The following PZP variants were observed in gnomAD, a reference collection of about 807,000 sequenced individuals.
The protein encoded by PZP is pregnancy zone protein.
A neutral mutation model predicts 179.8 loss-of-function variants in PZP; 150 were observed. That is an observed-to-expected ratio of 0.83 (90% CI 0.73 to 0.96). The LOEUF (loss-of-function observed/expected upper bound fraction) is 0.96, where lower values mean the gene tolerates loss of function less well. PZP is among the 40% of genes least tolerant of loss of function. The pLI, the probability that PZP is intolerant of heterozygous loss-of-function variation, is 0.00. For missense variants in PZP, 1,689 were observed against 1,764.0 expected (o/e 0.96, Z 0.76); for synonymous variants, 624 against 652.3 (o/e 0.96, Z 0.66).
At chr12:9,204,184 T>C (rs763616992) in intron 1 of PZP, among the ~76,000 whole-genome samples, 6 of 152,176 alleles carry the variant, frequency 3.9e-5, no homozygotes, top group Non-Finnish European at 5.9e-5. Flanking sequence ...GAGATTGCTT[T>C]CCAAGATGTT....
intron 1 of PZP, among the ~76,000 whole-genome samples, chr12:9,206,260 A>C (rs1944435478): frequency 6.6e-6 from 1 of 151,578 alleles, no homozygotes; most frequent in South Asian, 2.1e-4. Flanking sequence ...ATATATATTT[A>C]TAATTTATTT....
At position 9,203,621 on chromosome 12, in the gene PZP, G is replaced by C. The variant is rs189169674; in HGVS notation, c.267+147C>G. On this transcript the variant is annotated intron_variant, in intron 2 of 35. Coordinates refer to ENST00000261336, the MANE Select transcript of PZP (RefSeq NM_002864.3). Reference sequence around the variant, plus strand: ...TTCCCAAAGTGCTGGGATTACAGGCGTGAGCCACCGCACCTGGCCCCTGAA... The same window carrying C: ...TTCCCAAAGTGCTGGGATTACAGGCCTGAGCCACCGCACCTGGCCCCTGAA... 1.1e-4 allele frequency: 94 copies of C among 886,320 alleles called. No individual in the cohort carries two copies. In the African/African-American group the frequency reaches 1.4e-3, roughly 13 times the overall value. The allele number at this position is 886,320 out of a possible 1,614,324, so 54.9% of individuals were successfully genotyped here. A position where few individuals can be genotyped will look rare whatever the true frequency, so the allele number is the denominator to read the frequency against.
chr12:9,149,385 A>G (rs1940182585), intron 35 of PZP, among the ~76,000 whole-genome samples, 176 bp downstream of exon 35: 1 of 152,196 alleles, frequency 6.6e-6, no homozygotes, highest in Non-Finnish European at 1.5e-5. Flanking sequence ...AATATCTGAA[A>G]TTGGAGAGTC....
In PZP at chr12:9,202,332, G is replaced by C. The variant is rs754952632; in HGVS notation, c.467C>G (p.Pro156Arg). The C allele has an allele frequency of 5.6e-6, 9 of 1,613,912 alleles. No individual in the cohort carries two copies. The highest frequency in any genetic ancestry group is 1.7e-4 in the Middle Eastern group (1 of 6,060). The part of the protein sequence containing the change: ...RVVSVDENFR[P>R]RNELIPLIYL... ...GTGGATGCTTACCAGTTCATTTCGA[G>C]GGCGAAAATTTTCATCCACGGAGAC... Residue 156 changes from proline to arginine, a missense_variant, in exon 4 of 36, where the codon CCT (proline) becomes CGT (arginine). Physicochemically the swap from Pro to Arg is moderately radical, Grantham distance 103. Coordinates refer to ENST00000261336, the MANE Select transcript of PZP (RefSeq NM_002864.3).
chr12:9,192,341 G>T (rs994852910), intron 12 of PZP, 85 bp from the exon 13 acceptor site: 65 of 1,393,964 alleles, frequency 4.7e-5, no homozygotes, highest in Non-Finnish European at 6.1e-5. Flanking sequence ...ACTTTCAGTT[G>T]TCAAGTCTGT....
chr12:9,152,242 G>C lies in PZP; in HGVS notation c.4190C>G (p.Pro1397Arg). The C allele has an allele frequency of 6.2e-7, 1 of 1,610,524 alleles. No individual in the cohort carries two copies. Among genetic ancestry groups the C allele is most frequent in the South Asian group, 1.1e-5 (1 of 90,974 alleles). Residue 1397 changes from proline to arginine, a missense_variant, in exon 32 of 36, where the codon CCC becomes CGC. By Grantham distance (103) the Pro-to-Arg change is moderately radical. Transcript: ENST00000261336. ...VDVKMVSGFIPLKPTVKMLER... is the reference protein window; with the variant it reads ...VDVKMVSGFIRLKPTVKMLER... The stretch of plus-strand genomic sequence containing the variant: ...TACCATTTTTACTGTTGGTTTCAGG[G>C]GAATAAAACCAGATACCATCTTTAC...
intron 7 of PZP, among the ~76,000 whole-genome samples, chr12:9,198,168 G>A (rs1221306964): frequency 6.6e-6 from 1 of 151,020 alleles, no homozygotes; most frequent in Non-Finnish European, 1.5e-5. Context: ...GGGTAACATA[G>A]CAGGACCCAA....
chr12:9,154,417 A>G (rs189923176), intron 29 of PZP, among the ~76,000 whole-genome samples, 199 bp downstream of exon 29: 32 of 152,368 alleles, frequency 2.1e-4, no homozygotes, highest in Non-Finnish European at 3.8e-4. Context: ...TGTTGCTAAT[A>G]TATTAACATA....
At chr12:9,182,215 T>G (rs1942815142) in intron 13 of PZP, 98 bp from the exon 14 acceptor site, 13 of 1,160,682 alleles carry the variant, frequency 1.1e-5, no homozygotes, top group South Asian at 2.2e-5. Flanking sequence ...CTTATCCACT[T>G]GAGAACTGCG....
intron 15 of PZP, among the ~76,000 whole-genome samples, chr12:9,174,061 C>A (rs1328081752): frequency 6.6e-6 from 1 of 152,124 alleles, no homozygotes; most frequent in Non-Finnish European, 1.5e-5. Flanking sequence ...TGATGAACAT[C>A]GATGCAAAAA....
intron 15 of PZP, among the ~76,000 whole-genome samples, chr12:9,172,715 TCAAA>T (rs1043366594): frequency 3.9e-5 from 6 of 152,014 alleles, no homozygotes; most frequent in Admixed American, 2.0e-4. Flanking sequence ...CCAACAAAGA[TCAAA>T]CAAACAAAGA....
intron 10 of PZP, 80 bp from the exon 11 acceptor site, chr12:9,194,318 G>T (rs191452275): frequency 4.5e-4 from 612 of 1,359,218 alleles, no homozygotes; most frequent in Non-Finnish European, 6.0e-4. Context: ...TGCTTTTGCT[G>T]CTATAACTAA....
At chr12:9,157,555 C>G (rs3759276) in intron 27 of PZP, among the ~76,000 whole-genome samples, 200 bp from the exon 28 acceptor site, 92,007 of 152,048 alleles carry the variant, frequency 0.61, 28,260 homozygotes, top group East Asian at 0.9. Context: ...ACTAGAGAAC[C>G]TGTTTTTAGG....
At chr12:9,183,241 A>T (rs1461071449) in intron 13 of PZP, among the ~76,000 whole-genome samples, 1 of 152,196 alleles carries the variant, frequency 6.6e-6, no homozygotes, top group African/African-American at 2.4e-5. Flanking sequence ...AAATGGTACT[A>T]TATTTTAGAT....
At chr12:9,208,223 C>T (rs561296973) in intron 1 of PZP, 36 bp downstream of exon 1, 39 of 1,546,766 alleles carry the variant, frequency 2.5e-5, no homozygotes, top group African/African-American at 1.9e-4. Flanking sequence ...GAGACTGAAA[C>T]GCACTCTGGA....
chr12:9,194,343 C>T lies in PZP; in HGVS notation c.1093-105G>A, dbSNP rs747048299. On this transcript the variant is annotated intron_variant, in intron 10 of 35. Transcript: ENST00000261336. ...GCTATAACTAAAACAACAACCTCCC[C>T]CTCAAAAAAACCCCACCAAACCTTC... 6.9e-5 allele frequency: 75 copies of T among 1,085,718 alleles called. No individual in the cohort carries two copies. The East Asian group carries it at 1.7e-3, about 25-fold the overall frequency. The allele number at this position is 1,085,718 out of a possible 1,614,324, so 67.3% of individuals were successfully genotyped here.
chr12:9,163,401 C>T (rs750359229), intron 21 of PZP, among the ~76,000 whole-genome samples: 9 of 151,166 alleles, frequency 6.0e-5, no homozygotes, highest in East Asian at 3.9e-4. Flanking sequence ...TTCAGTGAGC[C>T]GAGATCGCAA....
chr12:9,178,477 C>T (rs1942538656), intron 15 of PZP, among the ~76,000 whole-genome samples: 2 of 152,006 alleles, frequency 1.3e-5, no homozygotes, highest in African/African-American at 4.8e-5. Flanking sequence ...AAAGAGAAGC[C>T]GTAAAGTGCT....
the PZP span, among the ~76,000 whole-genome samples, chr12:9,141,530 C>G: frequency 3.3e-5 from 5 of 152,172 alleles, no homozygotes; most frequent in African/African-American, 1.2e-4. Context: ...TACAGAAAAA[C>G]TGGATGATAC....
Sources: allele counts gnomAD v4.1 joint callset (sites outside exome capture counted in the v4.1 genomes callset), GRCh38; gene constraint gnomAD v4.1.1; transcripts MANE v1.5; gene names NCBI Gene and HGNC (gene_info 2026-07-23, HGNC 2026-07-21).